SLX4IP: variants seen among roughly 807,000 people sequenced by gnomAD.
SLX4IP encodes the protein protein SLX4IP.
Under a neutral mutation model 32.9 loss-of-function variants are expected in SLX4IP, and 34 were observed. The observed-to-expected ratio is 1.03, with a 90% CI of 0.79 to 1.38. SLX4IP has a LOEUF of 1.38. Among genes scored for constraint, SLX4IP ranks in the 40% most tolerant of loss-of-function variants. SLX4IP has a pLI of 0.00. For missense variants in SLX4IP, 444 were observed against 479.0 expected (o/e 0.93, Z 0.68); for synonymous variants, 172 against 171.7 (o/e 1.00, Z -0.01).
intron 2 of SLX4IP, among the ~76,000 whole-genome samples, chr20:10,465,411 A>T (rs755728090): frequency 3.9e-5 from 6 of 152,216 alleles, no homozygotes; most frequent in Non-Finnish European, 8.8e-5. Flanking sequence ...TGAGTAGTTG[A>T]AACAAAGACC....
At chr20:10,559,454 T>C (rs1190647300) in intron 3 of SLX4IP, among the ~76,000 whole-genome samples, 1 of 152,224 alleles carries the variant, frequency 6.6e-6, no homozygotes, top group East Asian at 1.9e-4. Flanking sequence ...GAGATGACAT[T>C]GCAAGAAACC....
intron 2 of SLX4IP, among the ~76,000 whole-genome samples, chr20:10,462,339 G>A (rs1431455749): frequency 6.6e-6 from 1 of 152,178 alleles, no homozygotes; most frequent in Non-Finnish European, 1.5e-5. Context: ...AGCTGTGAGT[G>A]AATACACAAT....
chr20:10,620,703 G>A (rs2122571603), intron 6 of SLX4IP, among the ~76,000 whole-genome samples: 2 of 152,200 alleles, frequency 1.3e-5, no homozygotes, highest in South Asian at 4.2e-4. Context: ...ACAGGCATCT[G>A]CCACCACGTC....
At chr20:10,566,467 C>T (rs2066395957) in intron 4 of SLX4IP, among the ~76,000 whole-genome samples, 1 of 152,022 alleles carries the variant, frequency 6.6e-6, no homozygotes. Context: ...TTATAATCAT[C>T]CTTTGAGTAC....
At chr20:10,459,477 C>T (rs113990030) in intron 2 of SLX4IP, among the ~76,000 whole-genome samples, 2,276 of 152,200 alleles carry the variant, frequency 0.015, 49 homozygotes, top group African/African-American at 0.049. Context: ...AATGAGACGG[C>T]GGAGAAAATG....
chr20:10,615,824 C>T (rs1045685391), intron 6 of SLX4IP, among the ~76,000 whole-genome samples: 3 of 152,186 alleles, frequency 2.0e-5, no homozygotes, highest in Non-Finnish European at 4.4e-5. Flanking sequence ...CTGTATGCTC[C>T]GGAAAGGAGG....
At chr20:10,595,400 A>G (rs1461305289) in intron 4 of SLX4IP, among the ~76,000 whole-genome samples, 1 of 152,224 alleles carries the variant, frequency 6.6e-6, no homozygotes, top group Admixed American at 6.5e-5. Flanking sequence ...AAAGATGATC[A>G]CTTTATGATT....
intron 4 of SLX4IP, among the ~76,000 whole-genome samples, chr20:10,572,107 C>A (rs961552617): frequency 2.6e-5 from 4 of 152,158 alleles, no homozygotes; most frequent in Admixed American, 6.5e-5. Context: ...CTGAGACAGT[C>A]CTTTCTAGCC....
At chr20:10,471,595 G>A (rs994257617) in intron 2 of SLX4IP, among the ~76,000 whole-genome samples, 2 of 152,186 alleles carry the variant, frequency 1.3e-5, no homozygotes, top group Admixed American at 1.3e-4. Context: ...TTAGAAGTTA[G>A]GGTTGTTAGA....
At chr20:10,576,973 T>G (rs1568750557) in intron 4 of SLX4IP, among the ~76,000 whole-genome samples, 3 of 152,186 alleles carry the variant, frequency 2.0e-5, no homozygotes, top group Admixed American at 6.6e-5. Flanking sequence ...AGAAAATATA[T>G]TTTACACAGT....
At chr20:10,466,326 C>T (rs1299073371) in intron 2 of SLX4IP, among the ~76,000 whole-genome samples, 1 of 152,150 alleles carries the variant, frequency 6.6e-6, no homozygotes, top group Admixed American at 6.5e-5. Flanking sequence ...AGTTTCCTAC[C>T]TCATTGTGTG....
intron 4 of SLX4IP, among the ~76,000 whole-genome samples, chr20:10,570,683 C>G (rs977853434): frequency 2.0e-5 from 3 of 152,080 alleles, no homozygotes; most frequent in Non-Finnish European, 4.4e-5. Flanking sequence ...CGCCTGCCAC[C>G]ACGCTGAGCT....
intron 6 of SLX4IP, among the ~76,000 whole-genome samples, chr20:10,604,006 G>A (rs188697023): frequency 3.9e-5 from 6 of 152,350 alleles, no homozygotes; most frequent in African/African-American, 9.6e-5. Context: ...CCTTCTGCCT[G>A]AGAGAAGGCA....
chr20:10,536,168 T>G (rs1276352865), intron 2 of SLX4IP, among the ~76,000 whole-genome samples: 1 of 152,208 alleles, frequency 6.6e-6, no homozygotes, highest in Admixed American at 6.5e-5. Context: ...TAACACACCT[T>G]CTTGTTTTTT....
chr20:10,473,743 C>T (rs2065447978), intron 2 of SLX4IP, among the ~76,000 whole-genome samples: 1 of 152,074 alleles, frequency 6.6e-6, no homozygotes, highest in South Asian at 2.1e-4. Context: ...GCTGGGATTA[C>T]AGGCGCCTGC....
intron 2 of SLX4IP, among the ~76,000 whole-genome samples, chr20:10,468,238 A>C (rs1229889660): frequency 6.6e-6 from 1 of 152,048 alleles, no homozygotes; most frequent in Non-Finnish European, 1.5e-5. Flanking sequence ...GAGCATCTTG[A>C]ATTTACTCCT....
intron 1 of SLX4IP, among the ~76,000 whole-genome samples, chr20:10,450,094 AGCCTTGCCTTG>A (rs1252789309): frequency 1.3e-5 from 2 of 152,242 alleles, no homozygotes; most frequent in African/African-American, 2.4e-5. Context: ...ATGATGTGAA[AGCCTTGCCTTG>A]GCCTTCCACG....
intron 4 of SLX4IP, among the ~76,000 whole-genome samples, chr20:10,592,857 C>T (rs2066727482): frequency 6.6e-6 from 1 of 152,122 alleles, no homozygotes; most frequent in Non-Finnish European, 1.5e-5. Flanking sequence ...TGGTCTCGAT[C>T]TCCTGACCTC....
intron 2 of SLX4IP, among the ~76,000 whole-genome samples, chr20:10,545,496 A>G (rs1345707610): frequency 6.6e-6 from 1 of 152,222 alleles, no homozygotes; most frequent in Non-Finnish European, 1.5e-5. Flanking sequence ...ACATTAAAAA[A>G]CAAAAAACAA....
Sources: allele counts gnomAD v4.1 joint callset (sites outside exome capture counted in the v4.1 genomes callset), GRCh38; gene constraint gnomAD v4.1.1; transcripts MANE v1.5; gene names NCBI Gene and HGNC (gene_info 2026-07-23, HGNC 2026-07-21).